Variants in TEX2 observed in about 807,000 individuals in gnomAD.
The protein encoded by TEX2 is testis expressed 2, also known as testis-expressed protein 2.
In TEX2, 53 loss-of-function variants were observed where a neutral mutation model predicts 106.9. That is an observed-to-expected ratio of 0.50 (90% CI 0.40 to 0.62). TEX2 has a LOEUF of 0.62. TEX2 is among the 20% of genes least tolerant of loss of function. TEX2 has a pLI of 0.00. For synonymous variants in TEX2, 523 were observed against 534.8 expected (o/e 0.98, Z 0.30); for missense variants, 1,207 against 1,379.0 (o/e 0.88, Z 1.98).
intron 1 of TEX2, among the ~76,000 whole-genome samples, chr17:64,243,209 G>C (rs922144414): frequency 6.6e-6 from 1 of 151,654 alleles, no homozygotes; most frequent in East Asian, 1.9e-4. Flanking sequence ...TTACAGGCGT[G>C]AGCCACCACA....
At position 64,214,158 on chromosome 17, in the gene TEX2, G is replaced by A. The variant is rs1369379954; in HGVS notation, c.60C>T (p.Ala20=). Residue 20 remains alanine (A), a synonymous_variant, in exon 2 of 12, where the codon GCC becomes GCT. Coordinates refer to ENST00000584379, the MANE Select transcript of TEX2 (RefSeq NM_001288732.2). ...CGGACCTCTGCACGTGCACTTTAGGGGCTGATGGTTTTGGCATGTCAGTGG... is the reference window on the plus strand; with the variant it reads ...CGGACCTCTGCACGTGCACTTTAGGAGCTGATGGTTTTGGCATGTCAGTGG... The part of the protein sequence containing the change: ...EKTTDMPKPS[A]PKVHVQRSVS... The A allele has an allele frequency of 1.2e-6, 2 of 1,614,194 alleles. No homozygotes were observed. The highest frequency in any genetic ancestry group is 2.7e-5 in the African/African-American group (2 of 75,038).
intron 6 of TEX2, among the ~76,000 whole-genome samples, chr17:64,171,979 C>CAAAA (rs11322413): frequency 1.5e-5 from 2 of 133,308 alleles, no homozygotes; most frequent in African/African-American, 5.6e-5. Context: ...GACTCTGCGT[C>CAAAA]AAAAAAAAAA....
intron 1 of TEX2, among the ~76,000 whole-genome samples, chr17:64,239,674 G>A (rs1465790015): frequency 1.3e-5 from 2 of 151,978 alleles, no homozygotes; most frequent in African/African-American, 2.4e-5. Flanking sequence ...TCAGGAGTTC[G>A]AGACGAGGCT....
chr17:64,221,614 C>G (rs902079511), intron 1 of TEX2, among the ~76,000 whole-genome samples: 1 of 152,206 alleles, frequency 6.6e-6, no homozygotes, highest in African/African-American at 2.4e-5. Context: ...AATGGCGCAA[C>G]TGGTATGGAA....
intron 1 of TEX2, among the ~76,000 whole-genome samples, chr17:64,262,642 C>T (rs190499557): frequency 1.3e-5 from 2 of 152,380 alleles, no homozygotes; most frequent in East Asian, 3.9e-4. Flanking sequence ...GGCACGCCGC[C>T]GCCTCCCTGC....
intron 1 of TEX2, among the ~76,000 whole-genome samples, chr17:64,241,663 T>C (rs2033891297): frequency 6.6e-6 from 1 of 152,142 alleles, no homozygotes; most frequent in South Asian, 2.1e-4. Flanking sequence ...AGGCAGGATC[T>C]CACTCTATCA....
intron 7 of TEX2, among the ~76,000 whole-genome samples, chr17:64,166,770 G>A (rs2031159410): frequency 6.6e-6 from 1 of 152,092 alleles, no homozygotes. Flanking sequence ...AGTATTTGTT[G>A]AATGAATGAA....
At chr17:64,203,773 A>C (rs1555630415) in intron 2 of TEX2, among the ~76,000 whole-genome samples, 1 of 152,218 alleles carries the variant, frequency 6.6e-6, no homozygotes, top group South Asian at 2.1e-4. Flanking sequence ...AAAGCCCATT[A>C]GGGGAGGGAA....
In TEX2 at chr17:64,177,565, T is replaced by C. The variant is rs1362353171; in HGVS notation, c.2425-94A>G. Reference sequence around the variant, plus strand: ...TAAAGTCACTGAAGGTCCCTCCTTATAGAAACAGGAGACCACACGAGTCAT... The same window carrying C: ...TAAAGTCACTGAAGGTCCCTCCTTACAGAAACAGGAGACCACACGAGTCAT... On this transcript the variant is annotated intron_variant, in intron 5 of 11. Transcript: ENST00000584379. 8.8e-6 allele frequency: 12 copies of C among 1,366,794 alleles called. No individual in the cohort carries two copies. The East Asian group carries it at 1.8e-4, about 21-fold the overall frequency. The allele number at this position is 1,366,794 out of a possible 1,614,324, so 84.7% of individuals were successfully genotyped here.
At chr17:64,218,184 T>G (rs2033241585) in intron 1 of TEX2, among the ~76,000 whole-genome samples, 1 of 151,986 alleles carries the variant, frequency 6.6e-6, no homozygotes, top group Non-Finnish European at 1.5e-5. Flanking sequence ...AAACAGAGGT[T>G]TCAGTGAGCT....
chr17:64,188,599 G>A (rs1252173950), intron 4 of TEX2, 184 bp from the exon 5 acceptor site: 25 of 862,098 alleles, frequency 2.9e-5, no homozygotes, highest in Non-Finnish European at 3.6e-5. Context: ...GGCGGATCAC[G>A]AGGTCAGGAG....
rs1299871407 is a variant in TEX2, at chr17:64,193,729, T to G, written c.2006A>C (p.Lys669Thr). Residue 669 changes from lysine (K) to threonine (T), a missense_variant, in exon 4 of 12, where the codon AAG becomes ACG. Coordinates refer to ENST00000584379, the MANE Select transcript of TEX2 (RefSeq NM_001288732.2). ...TCCCTCCTGAGGGCGGGGTGGCTTC[T>G]TAGGGTCCTCACTTCCCTCAGCTGG... ...KPPAEGSEDP[K>T]KPPRPQEGTR... is the part of the protein sequence containing the mutation. 1.2e-5 allele frequency: 19 copies of G among 1,613,534 alleles called. No individual in the cohort carries two copies. Among genetic ancestry groups the G allele is most frequent in the Non-Finnish European group, 1.4e-5 (17 of 1,179,722 alleles).
At chr17:64,252,939 T>C (rs1344322715) in intron 1 of TEX2, among the ~76,000 whole-genome samples, 13 of 152,178 alleles carry the variant, frequency 8.5e-5, no homozygotes, top group Middle Eastern at 3.4e-3. Flanking sequence ...CTAAAAAGTC[T>C]AGCTCCCTTC....
At chr17:64,172,401 A>G (rs2031447304) in intron 6 of TEX2, among the ~76,000 whole-genome samples, 1 of 145,380 alleles carries the variant, frequency 6.9e-6, no homozygotes, top group African/African-American at 2.6e-5. Context: ...CATGCTGAAC[A>G]TTTTCTGTTT....
intron 7 of TEX2, among the ~76,000 whole-genome samples, chr17:64,165,532 T>C (rs1367712677): frequency 6.6e-6 from 1 of 152,254 alleles, no homozygotes; most frequent in Non-Finnish European, 1.5e-5. Context: ...AGTATGGCCC[T>C]GCCTTGGTGC....
At chr17:64,227,881 C>T (rs1294901399) in intron 1 of TEX2, among the ~76,000 whole-genome samples, 1 of 152,194 alleles carries the variant, frequency 6.6e-6, no homozygotes, top group African/African-American at 2.4e-5. Flanking sequence ...GAGCAGCCCT[C>T]CCTAATTGTT....
At chr17:64,179,986 C>G (rs1450564827) in intron 5 of TEX2, among the ~76,000 whole-genome samples, 1 of 152,236 alleles carries the variant, frequency 6.6e-6, no homozygotes, top group East Asian at 1.9e-4. Flanking sequence ...CCATAACTTG[C>G]ACTGTTTTTT....
intron 1 of TEX2, among the ~76,000 whole-genome samples, chr17:64,224,890 C>T (rs908179166): frequency 1.1e-4 from 15 of 140,876 alleles, no homozygotes; most frequent in African/African-American, 3.4e-4. Flanking sequence ...CCAGGTCATG[C>T]GTTCAGCACA....
intron 2 of TEX2, among the ~76,000 whole-genome samples, chr17:64,199,699 C>T (rs566787489): frequency 6.6e-6 from 1 of 152,196 alleles, no homozygotes; most frequent in Non-Finnish European, 1.5e-5. Context: ...CTGTTTCATA[C>T]CAAGTCTTCA....
Sources: gnomAD v4.1 joint callset for allele counts (sites outside exome capture counted in the v4.1 genomes callset) on GRCh38, gnomAD v4.1.1 for gene constraint, MANE v1.5 for transcripts, NCBI Gene and HGNC (gene_info 2026-07-23, HGNC 2026-07-21) for gene names.